TBL1X: variants seen among roughly 807,000 people sequenced by gnomAD.
TBL1X encodes F-box-like/WD repeat-containing protein TBL1X.
TBL1X carries 10 observed loss-of-function variants against 50.7 expected under a neutral mutation model. That is an observed-to-expected ratio of 0.20 (90% CI 0.12 to 0.33). The LOEUF is 0.33. TBL1X is among the 10% of genes least tolerant of loss of function. The pLI, the probability that TBL1X is intolerant of heterozygous loss-of-function variation, is 1.00. For missense variants in TBL1X, 340 were observed against 504.4 expected (o/e 0.67, Z 3.12); for synonymous variants, 190 against 214.7 (o/e 0.88, Z 1.01).
In TBL1X at chrX:9,717,188, G is replaced by GC. The variant is rs1365879650; in HGVS notation, c.*942_*943insC. On this transcript the variant is annotated 3_prime_UTR_variant, in exon 18 of 18. Coordinates refer to ENST00000645353, the MANE Select transcript of TBL1X (RefSeq NM_005647.4). ...GTGCTTTATGTAAGAAGGCAGGGCAGGGGGGCTTTTTACAGGAGAAAAAAA... is the reference window on the plus strand; with the variant it reads ...GTGCTTTATGTAAGAAGGCAGGGCAGCGGGGGCTTTTTACAGGAGAAAAAAA... 9.9e-6 allele frequency: 1 copy of GC among 100,753 alleles called. No homozygotes were observed. The highest frequency in any genetic ancestry group is 4.4e-4 in the East Asian group (1 of 2,275). 8.3% of individuals were successfully genotyped at this position (100,753 alleles called of 1,213,427 possible). A position where few individuals can be genotyped will look rare whatever the true frequency, so the allele number is the denominator to read the frequency against.
intron 1 of TBL1X, among the ~76,000 whole-genome samples, chrX:9,478,652 G>A (rs149641993): frequency 1.8e-5 from 2 of 112,112 alleles, no homozygotes; most frequent in Non-Finnish European, 3.8e-5. Flanking sequence ...TGCTGCTAAG[G>A]CAAAGACATG....
chrX:9,695,241 A>C lies in TBL1X; in HGVS notation c.1053+1822A>C, dbSNP rs943654610. On this transcript the variant is annotated intron_variant, in intron 11 of 17. Transcript: ENST00000645353. Reference sequence around the variant, plus strand: ...GAGACCAGATGGCCCTCAAAGCCTAAAATTCTACTACCTGGCCCTTCACAG... The same window carrying C: ...GAGACCAGATGGCCCTCAAAGCCTACAATTCTACTACCTGGCCCTTCACAG... 5.4e-5 allele frequency among the ~76,000 whole-genome samples: 6 copies of C among 112,112 alleles called. No homozygotes were observed. The Admixed American group carries it at 5.7e-4, about 11-fold the overall frequency.
At chrX:9,672,026 G>A (rs1195732451) in intron 5 of TBL1X, among the ~76,000 whole-genome samples, 2 of 112,135 alleles carry the variant, frequency 1.8e-5, no homozygotes, top group African/African-American at 6.5e-5. Flanking sequence ...ATTTGTTACA[G>A]GGAGAAAAAG....
intron 2 of TBL1X, among the ~76,000 whole-genome samples, chrX:9,622,022 A>C (rs1051417340): frequency 2.7e-5 from 3 of 111,854 alleles, no homozygotes; most frequent in African/African-American, 9.7e-5. Context: ...ATATATTCTT[A>C]ACTTGCTAGT....
chrX:9,475,247 T>C (rs764335221), intron 1 of TBL1X, among the ~76,000 whole-genome samples: 1 of 111,492 alleles, frequency 9.0e-6, no homozygotes, highest in Non-Finnish European at 1.9e-5. Flanking sequence ...CTCATTGGTG[T>C]TTTTTGTTTG....
At chrX:9,663,760 C>CAAA (rs57927750) in intron 5 of TBL1X, among the ~76,000 whole-genome samples, 456 of 39,289 alleles carry the variant, frequency 0.012, 5 homozygotes, top group Middle Eastern at 0.061. Flanking sequence ...GATTCTGTCT[C>CAAA]AAAAAAAAAA....
chrX:9,650,489 A>G (rs2082827663), intron 3 of TBL1X, among the ~76,000 whole-genome samples: 1 of 112,136 alleles, frequency 8.9e-6, no homozygotes, highest in Admixed American at 9.4e-5. Context: ...ACATGCAGAG[A>G]TGAGATGCCC....
intron 2 of TBL1X, among the ~76,000 whole-genome samples, chrX:9,586,334 C>T (rs990937835): frequency 3.6e-5 from 4 of 112,532 alleles, no homozygotes; most frequent in African/African-American, 9.7e-5. Flanking sequence ...AATCCTATCA[C>T]ATGCCGCAAT....
At chrX:9,563,163 A>G (rs1569056761) in intron 2 of TBL1X, among the ~76,000 whole-genome samples, 1 of 112,759 alleles carries the variant, frequency 8.9e-6, no homozygotes, top group Non-Finnish European at 1.9e-5. Flanking sequence ...CATATAAGGA[A>G]GTTGCCTTCA....
chrX:9,525,507 A>G (rs1282974157), intron 2 of TBL1X, among the ~76,000 whole-genome samples: 1 of 112,195 alleles, frequency 8.9e-6, no homozygotes, highest in Non-Finnish European at 1.9e-5. Context: ...TCCCTGGAGT[A>G]TCCAAATGGT....
intron 2 of TBL1X, among the ~76,000 whole-genome samples, chrX:9,639,138 G>A (rs1287416123): frequency 9.1e-6 from 1 of 109,726 alleles, no homozygotes; most frequent in African/African-American, 3.3e-5. Flanking sequence ...GCACTTTAGG[G>A]GCCTGTGAAC....
chrX:9,694,948 A>C (rs1448091956), intron 11 of TBL1X, among the ~76,000 whole-genome samples: 1 of 101,433 alleles, frequency 9.9e-6, no homozygotes, highest in Non-Finnish European at 2.0e-5. Context: ...AACAAGAGCA[A>C]AACTTCATCT....
At chrX:9,687,781 A>G (rs189130459) in intron 6 of TBL1X, among the ~76,000 whole-genome samples, 4 of 108,962 alleles carry the variant, frequency 3.7e-5, no homozygotes, top group Non-Finnish European at 1.9e-5. Flanking sequence ...TGACACTCAG[A>G]ACAACCATCA....
At chrX:9,480,802 T>C (rs1001856271) in intron 1 of TBL1X, among the ~76,000 whole-genome samples, 4 of 88,370 alleles carry the variant, frequency 4.5e-5, no homozygotes, top group African/African-American at 8.5e-5. Flanking sequence ...CTTCCAGATA[T>C]TAAATACTGT....
intron 4 of TBL1X, 75 bp downstream of exon 4, chrX:9,653,764 G>A (rs918406742): frequency 6.5e-5 from 61 of 933,166 alleles, no homozygotes; most frequent in Admixed American, 1.4e-4. Flanking sequence ...GGGTGTACTC[G>A]GTCACCTCTC....
chrX:9,678,474 T>TAG (rs1395813888), intron 5 of TBL1X, among the ~76,000 whole-genome samples: 1 of 112,652 alleles, frequency 8.9e-6, no homozygotes, highest in African/African-American at 3.2e-5. Flanking sequence ...GCCCATGATC[T>TAG]AGGCAATGCA....
chrX:9,533,735 C>T (rs1159763384), intron 2 of TBL1X, among the ~76,000 whole-genome samples: 2 of 111,204 alleles, frequency 1.8e-5, no homozygotes, highest in Admixed American at 9.6e-5. Context: ...CTTACCAGGC[C>T]AGCATGATCA....
intron 3 of TBL1X, among the ~76,000 whole-genome samples, chrX:9,641,294 G>A (rs947537082): frequency 2.4e-4 from 27 of 111,890 alleles, no homozygotes; most frequent in Admixed American, 2.3e-3. Flanking sequence ...TGAGAAGCCC[G>A]TAGCCCAAAC....
chrX:9,673,727 T>A (rs972944078), intron 5 of TBL1X, among the ~76,000 whole-genome samples: 3 of 112,520 alleles, frequency 2.7e-5, no homozygotes, highest in African/African-American at 9.7e-5. Context: ...GCCCTCCATA[T>A]CCTCAGGTTC....
Sources: gnomAD v4.1 joint callset for allele counts (sites outside exome capture counted in the v4.1 genomes callset) on GRCh38, gnomAD v4.1.1 for gene constraint, MANE v1.5 for transcripts, NCBI Gene and HGNC (gene_info 2026-07-23, HGNC 2026-07-21) for gene names.